The following UBIAD1 variants were observed in gnomAD, a reference collection of about 807,000 sequenced individuals.
UBIAD1 encodes UbiA prenyltransferase domain containing 1, also known as ubiA prenyltransferase domain-containing protein 1.
UBIAD1 carries 12 observed loss-of-function variants against 20.1 expected under a neutral mutation model. The observed-to-expected ratio is 0.60, with a 90% confidence interval of 0.38 to 0.97. The LOEUF (loss-of-function observed/expected upper bound fraction) is 0.97, where lower values mean the gene tolerates loss of function less well. Among genes scored for constraint, UBIAD1 ranks in the 50% least tolerant of loss-of-function variants. UBIAD1 has a pLI of 0.00. For missense variants in UBIAD1, 333 were observed against 419.5 expected (o/e 0.79, Z 1.80); for synonymous variants, 207 against 189.2 (o/e 1.09, Z -0.77).
rs772156947 is a variant in UBIAD1, at chr1:11,294,897, G to A, written c.*14G>A. ...GTCCTCATCTAGCCACTGAAGCAGA[G>A]TGCCCACATCAGGAGCAGCCAGTGC... On this transcript the variant is annotated 3_prime_UTR_variant, in exon 2 of 2. Transcript: ENST00000376804. 4.0e-5 allele frequency: 29 copies of A among 717,480 alleles called. 1 individual carries two copies. Among genetic ancestry groups the A allele is most frequent in the South Asian group, 4.0e-4 (27 of 67,606 alleles). 44.4% of individuals were successfully genotyped at this position (717,480 alleles called of 1,614,324 possible). A position where few individuals can be genotyped will look rare whatever the true frequency, so the allele number is the denominator to read the frequency against.
chr1:11,278,746 G>T, intron 1 of UBIAD1: 2 of 652,192 alleles, frequency 3.1e-6, no homozygotes, highest in Non-Finnish European at 5.1e-6. Flanking sequence ...CTGGTGTGCT[G>T]CGGTCATCCA....
downstream of UBIAD1, among the ~76,000 whole-genome samples, chr1:11,298,964 C>T (rs1185645216): frequency 1.3e-5 from 2 of 152,198 alleles, no homozygotes; most frequent in Non-Finnish European, 2.9e-5. The surrounding 1 kb of genome is among the most constrained non-coding windows in gnomAD (Gnocchi z 4.0). Context: ...CATTCCATTT[C>T]CAAGAAGGAA....
chr1:11,291,482 C>T (rs1446788055), downstream of UBIAD1, among the ~76,000 whole-genome samples: 2 of 151,858 alleles, frequency 1.3e-5, no homozygotes, highest in East Asian at 1.9e-4. Context: ...TGGTGCACAA[C>T]TGTAATCCCA....
At chr1:11,294,523 T>C (rs995263248) in intron 1 of UBIAD1, among the ~76,000 whole-genome samples, 4 of 152,164 alleles carry the variant, frequency 2.6e-5, no homozygotes, top group Admixed American at 2.0e-4. Flanking sequence ...GGTCTGCCCT[T>C]AGCCGCTCCC....
At chr1:11,297,255 A>G (rs950631716), downstream of UBIAD1, among the ~76,000 whole-genome samples, 3 of 152,154 alleles carry the variant, frequency 2.0e-5, no homozygotes, top group African/African-American at 4.8e-5. Context: ...TAGAGTCCTC[A>G]TGGGTAGAGT....
In UBIAD1 at chr1:11,287,964, C is replaced by T. The variant is rs1251386766; in HGVS notation, c.*1833C>T. 1.3e-5 allele frequency: 2 copies of T among 152,072 alleles called. No individual in the cohort carries two copies. The highest frequency in any genetic ancestry group is 4.8e-5 in the African/African-American group (2 of 41,368). 9.4% of individuals were successfully genotyped at this position (152,072 alleles called of 1,614,324 possible). A position where few individuals can be genotyped will look rare whatever the true frequency, so the allele number is the denominator to read the frequency against. On this transcript the variant is annotated 3_prime_UTR_variant, in exon 2 of 2. Transcript: ENST00000376810. ...AAAGAAAAAGAAAATTGCAAAAGTT[C>T]CTCTAAAGTTAAATCAAAGGTGGTT...
chr1:11,285,531 C>A lies in UBIAD1; in HGVS notation c.530-113C>A. ...GGGATGAAATGAGTGCCCACCTGCA[C>A]AGTCTAAGGATTTACCATTTTCAGC... On this transcript the variant is annotated intron_variant, in intron 1 of 1. Coordinates refer to ENST00000376810, the MANE Select transcript of UBIAD1 (RefSeq NM_013319.3). The surrounding 1 kb of genome is among the most constrained non-coding windows in gnomAD (Gnocchi z 4.4). 1.3e-6 allele frequency: 2 copies of A among 1,519,338 alleles called. No homozygotes were observed. The highest frequency in any genetic ancestry group is 9.0e-7 in the Non-Finnish European group (1 of 1,110,914). The allele number at this position is 1,519,338 out of a possible 1,614,324, so 94.1% of individuals were successfully genotyped here. A position where few individuals can be genotyped will look rare whatever the true frequency, so the allele number is the denominator to read the frequency against.
In UBIAD1 at chr1:11,273,556, G is replaced by A; in HGVS notation, c.25G>A (p.Glu9Lys). ...CATGGCGGCCTCTCAGGTCCTGGGG[G>A]AGAAGATTAACATCCTGTCGGGAGA... MAASQVLGEKINILSGETV... is the reference protein window; with the variant it reads MAASQVLGKKINILSGETV... Residue 9 changes from glutamate (E) to lysine (K), a missense_variant, in exon 1 of 2, where the codon GAG (glutamate) becomes AAG (lysine). Transcript: ENST00000376810. The surrounding 1 kb of genome is among the most constrained non-coding windows in gnomAD (Gnocchi z 4.9). 1 of 1,612,976 alleles carries A rather than the reference G, an allele frequency of 6.2e-7. No individual in the cohort carries two copies. Among genetic ancestry groups the A allele is most frequent in the Non-Finnish European group, 8.5e-7 (1 of 1,180,040 alleles).
At chr1:11,279,796 A>G (rs1353902411) in intron 1 of UBIAD1, among the ~76,000 whole-genome samples, 1 of 152,240 alleles carries the variant, frequency 6.6e-6, no homozygotes, top group African/African-American at 2.4e-5. Flanking sequence ...AGCCTGGGCT[A>G]GAGATTACAT....
At chr1:11,275,182 C>T (rs1290519813) in intron 1 of UBIAD1, among the ~76,000 whole-genome samples, 1 of 152,030 alleles carries the variant, frequency 6.6e-6, no homozygotes, top group Non-Finnish European at 1.5e-5. Context: ...TACGTATTAT[C>T]ATGAAAAGAG....
chr1:11,278,059 G>A (rs889353740), intron 1 of UBIAD1, among the ~76,000 whole-genome samples: 2 of 152,174 alleles, frequency 1.3e-5, no homozygotes, highest in African/African-American at 4.8e-5. Flanking sequence ...CCGGGATCAA[G>A]CGATCATCCT....
chr1:11,296,274 G>A (rs897492137), downstream of UBIAD1, among the ~76,000 whole-genome samples: 2 of 152,174 alleles, frequency 1.3e-5, no homozygotes, highest in African/African-American at 4.8e-5. Context: ...GACTGGTGAA[G>A]TGGAAAGAGT....
At chr1:11,274,679 G>A (rs1020462659) in intron 1 of UBIAD1, among the ~76,000 whole-genome samples, 1 of 151,312 alleles carries the variant, frequency 6.6e-6, no homozygotes, top group Non-Finnish European at 1.5e-5. Context: ...GCACCATCTC[G>A]GCTTACTGCA....
downstream of UBIAD1, among the ~76,000 whole-genome samples, chr1:11,299,450 C>G (rs1216554667): frequency 6.6e-6 from 1 of 152,216 alleles, no homozygotes; most frequent in Non-Finnish European, 1.5e-5. Context: ...AAAAGCAGCA[C>G]TCATTTGGTT....
chr1:11,293,766 C>G (rs1015333148), intron 1 of UBIAD1: 4 of 152,286 alleles, frequency 2.6e-5, no homozygotes, highest in African/African-American at 9.7e-5. Flanking sequence ...ACCTCTGCCT[C>G]CTGAGTTCAA....
chr1:11,278,727 T>C lies in UBIAD1; in HGVS notation c.529+4667T>C, dbSNP rs1294690232. ...TTAATGCTATATGAATTTTGTCATT[T>C]TGCTAACACTGGTGTGCTGCGGTCA... On this transcript the variant is annotated intron_variant, in intron 1 of 1. Coordinates refer to ENST00000376810, the MANE Select transcript of UBIAD1 (RefSeq NM_013319.3). 5 of 854,768 alleles carry C rather than the reference T, an allele frequency of 5.8e-6. No individual in the cohort carries two copies. The East Asian group carries it at 1.4e-4, about 24-fold the overall frequency. The allele number at this position is 854,768 out of a possible 1,614,324, so 52.9% of individuals were successfully genotyped here. A position where few individuals can be genotyped will look rare whatever the true frequency, so the allele number is the denominator to read the frequency against.
Position 11,287,702 on chromosome 1 carries a change from G to C in UBIAD1, c.*1571G>C, listed in dbSNP as rs1638296411. Reference sequence around the variant, plus strand: ...CCCAGCACTTTGGGAGGCCGAGACGGGCGGATCACGAGGTCAGGAGATCGA... The same window carrying C: ...CCCAGCACTTTGGGAGGCCGAGACGCGCGGATCACGAGGTCAGGAGATCGA... On this transcript the variant is annotated 3_prime_UTR_variant, in exon 2 of 2. Coordinates refer to ENST00000376810, the MANE Select transcript of UBIAD1 (RefSeq NM_013319.3). 6.6e-6 allele frequency: 1 copy of C among 152,198 alleles called. No homozygotes were observed. Among genetic ancestry groups the C allele is most frequent in the African/African-American group, 2.4e-5 (1 of 41,450 alleles). The allele number at this position is 152,198 out of a possible 1,614,324, so 9.4% of individuals were successfully genotyped here.
Position 11,286,933 on chromosome 1 carries a change from A to G in UBIAD1, c.*802A>G, listed in dbSNP as rs1039411828. On this transcript the variant is annotated 3_prime_UTR_variant, in exon 2 of 2. Coordinates refer to ENST00000376810, the MANE Select transcript of UBIAD1 (RefSeq NM_013319.3). The stretch of plus-strand genomic sequence containing the variant: ...AGGACTCCCAGCCCTTTCAGTAACT[A>G]TCAGGAGCCCTGAAACGGTAGAGGC... The G allele has an allele frequency of 4.6e-5, 7 of 152,390 alleles. No individual in the cohort carries two copies. Among genetic ancestry groups the G allele is most frequent in the Non-Finnish European group, 7.3e-5 (5 of 68,184 alleles). The allele number at this position is 152,390 out of a possible 1,614,324, so 9.4% of individuals were successfully genotyped here. A position where few individuals can be genotyped will look rare whatever the true frequency, so the allele number is the denominator to read the frequency against.
Position 11,273,615 on chromosome 1 carries a change from G to C in UBIAD1, c.84G>C (p.Gly28=). 1 of 1,614,002 alleles carries C rather than the reference G, an allele frequency of 6.2e-7. No homozygotes were observed. Among genetic ancestry groups the C allele is most frequent in the Non-Finnish European group, 8.5e-7 (1 of 1,180,050 alleles). Residue 28 remains glycine (G), a synonymous_variant, in exon 1 of 2, where the codon GGG becomes GGC. Coordinates refer to ENST00000376810, the MANE Select transcript of UBIAD1 (RefSeq NM_013319.3). This position sits in a 1 kb window ranked among gnomAD's most constrained non-coding sequence, Gnocchi z 4.9. ...AAGCTGGGGACAGGGACCCGCTGGG[G>C]AACGACTGTCCCGAGCAAGATAGGC... The part of the protein sequence containing the change: ...TVKAGDRDPL[G]NDCPEQDRLP...
Sources: gnomAD v4.1 joint callset for allele counts (sites outside exome capture counted in the v4.1 genomes callset) on GRCh38, gnomAD v4.1.1 for gene constraint, Gnocchi (gnomAD v3.1) non-coding constraint, MANE v1.5 for transcripts, NCBI Gene and HGNC (gene_info 2026-07-23, HGNC 2026-07-21) for gene names.